The following ADCY1 variants were observed in gnomAD, a reference collection of about 807,000 sequenced individuals.
ADCY1 encodes adenylate cyclase 1.
ADCY1 carries 28 observed loss-of-function variants against 105.4 expected under a neutral mutation model. The ratio of observed to expected loss-of-function variants is 0.27; its 90% confidence interval spans 0.20 to 0.36. ADCY1 has a LOEUF of 0.36. Ranked by LOEUF, ADCY1 falls within the 10% of genes least tolerant of loss-of-function variation. The probability of loss-of-function intolerance (pLI) is 1.00; values close to 1 mark genes in which losing one functional copy is unlikely to be tolerated. For synonymous variants in ADCY1, 655 were observed against 623.8 expected (o/e 1.05, Z -0.75); for missense variants, 977 against 1,434.2 (o/e 0.68, Z 5.15).
chr7:45,612,858 A>G (rs997306103), intron 3 of ADCY1, among the ~76,000 whole-genome samples: 5 of 151,934 alleles, frequency 3.3e-5, no homozygotes, highest in Admixed American at 3.3e-4. Flanking sequence ...ACTTCCCCCT[A>G]CTCACCCCCT....
At chr7:45,629,679 C>T (rs7809185) in intron 4 of ADCY1, among the ~76,000 whole-genome samples, 4,594 of 152,224 alleles carry the variant, frequency 0.03, 100 homozygotes, top group African/African-American at 0.055. Flanking sequence ...CCACTGCGCC[C>T]GGCTAATTTT....
chr7:45,610,777 TGTG>T (rs1793530891), intron 3 of ADCY1, among the ~76,000 whole-genome samples: 1 of 130,698 alleles, frequency 7.7e-6, no homozygotes, highest in African/African-American at 2.9e-5. Context: ...ATAGTGGAGG[TGTG>T]GGGGTGATGG....
chr7:45,688,645 TCA>T (rs942365609), intron 14 of ADCY1, among the ~76,000 whole-genome samples: 14 of 151,928 alleles, frequency 9.2e-5, no homozygotes, highest in African/African-American at 2.9e-4. Flanking sequence ...TATACATACA[TCA>T]CACACACACA....
chr7:45,593,769 T>C (rs1362393258), intron 2 of ADCY1, among the ~76,000 whole-genome samples: 4 of 152,248 alleles, frequency 2.6e-5, no homozygotes, highest in African/African-American at 9.6e-5. Context: ...CAAATATAAA[T>C]GTAAAAACTC....
rs1562668523 is a variant in ADCY1 at position 45,575,791 on chromosome 7, C to T, written c.639+609C>T. Among the ~76,000 whole-genome samples, 1 of 152,266 alleles carries T rather than the reference C, an allele frequency of 6.6e-6. No individual in the cohort carries two copies. The highest frequency in any genetic ancestry group is 1.5e-5 in the Non-Finnish European group (1 of 68,050). ...GTCAAACACAGTCTAGTCCCTGCCG[C>T]TGCCACTCGGCGGTTGCCCTGACCC... On this transcript the variant is annotated intron_variant, in intron 1 of 19. Transcript: ENST00000297323. This position sits in a 1 kb window ranked among gnomAD's most constrained non-coding sequence, Gnocchi z 4.7.
At chr7:45,635,217 C>CTA (rs1309934765) in intron 4 of ADCY1, among the ~76,000 whole-genome samples, 6 of 150,920 alleles carry the variant, frequency 4.0e-5, no homozygotes, top group Non-Finnish European at 8.8e-5. Flanking sequence ...TCTGTAGAAT[C>CTA]TATAGTGATG....
chr7:45,709,155 A>G (rs1306373027), intron 18 of ADCY1, among the ~76,000 whole-genome samples: 1 of 152,232 alleles, frequency 6.6e-6, no homozygotes, highest in Non-Finnish European at 1.5e-5. Flanking sequence ...TGATCCATTT[A>G]GAGCATGTGG....
At chr7:45,595,796 A>G (rs1793055762) in intron 2 of ADCY1, among the ~76,000 whole-genome samples, 1 of 152,198 alleles carries the variant, frequency 6.6e-6, no homozygotes, top group Non-Finnish European at 1.5e-5. Context: ...GCCTTCCCTG[A>G]CTTTACCAAG....
chr7:45,664,640 C>T, intron 8 of ADCY1: 1 of 669,638 alleles, frequency 1.5e-6, no homozygotes, highest in Non-Finnish European at 2.1e-6. Flanking sequence ...GTTTGTGTGT[C>T]TGTATTTTTT....
chr7:45,576,065 T>G (rs1792336050), intron 1 of ADCY1, among the ~76,000 whole-genome samples: 1 of 152,074 alleles, frequency 6.6e-6, no homozygotes, highest in Admixed American at 6.5e-5. Context: ...GTGGGGAGAT[T>G]TGGAAGACCC....
In ADCY1 at chr7:45,719,544, T is replaced by G. The variant is rs1190558922; in HGVS notation, c.*5549T>G. The G allele has an allele frequency of 1.3e-5, 2 of 152,258 alleles. No homozygotes were observed. The highest frequency in any genetic ancestry group is 3.8e-4 in the East Asian group (2 of 5,202). 9.4% of individuals were successfully genotyped at this position (152,258 alleles called of 1,614,324 possible). On this transcript the variant is annotated 3_prime_UTR_variant, in exon 20 of 20. Coordinates refer to ENST00000297323, the MANE Select transcript of ADCY1 (RefSeq NM_021116.4). ...TTTAAATTTCCCTGAAAATTTAATC[T>G]ATTCTGTTCCATATGAAGTCTGTTT...
In ADCY1 at chr7:45,574,529, C is replaced by T. The variant is rs1454234383; in HGVS notation, c.-15C>T. The T allele has an allele frequency of 3.1e-6, 3 of 976,886 alleles. No homozygotes were observed. In the Admixed American group the frequency reaches 1.9e-4, roughly 63 times the overall value. The allele number at this position is 976,886 out of a possible 1,614,324, so 60.5% of individuals were successfully genotyped here. On this transcript the variant is annotated 5_prime_UTR_variant, in exon 1 of 20. Coordinates refer to ENST00000297323, the MANE Select transcript of ADCY1 (RefSeq NM_021116.4). This position sits in a 1 kb window ranked among gnomAD's most constrained non-coding sequence, Gnocchi z 7.0. ...AGGGGCGCGCCCGCGGCCGCGGCCG[C>T]TGCATGGCGCTGAGATGGCGGGGGC... is the stretch of plus-strand genomic sequence containing the variant.
At chr7:45,639,347 A>G (rs1237610110) in intron 4 of ADCY1, among the ~76,000 whole-genome samples, 3 of 152,218 alleles carry the variant, frequency 2.0e-5, no homozygotes, top group Admixed American at 6.5e-5. Context: ...AACACCTGCC[A>G]AGGCCCAGTC....
intron 12 of ADCY1, 87 bp downstream of exon 12, chr7:45,685,155 A>C (rs1447472690): frequency 8.0e-7 from 1 of 1,247,728 alleles, no homozygotes; most frequent in African/African-American, 1.5e-5. Flanking sequence ...CCAGGGCTGC[A>C]GAGACAGGGA....
intron 2 of ADCY1, among the ~76,000 whole-genome samples, chr7:45,598,140 T>G (rs565133695): frequency 6.6e-6 from 1 of 152,338 alleles, no homozygotes; most frequent in South Asian, 2.1e-4. Context: ...ATGTAAGGAC[T>G]TTATTCTGCT....
chr7:45,599,791 T>TGTCTG, intron 2 of ADCY1, among the ~76,000 whole-genome samples: 1 of 152,116 alleles, frequency 6.6e-6, no homozygotes, highest in Non-Finnish European at 1.5e-5. Context: ...CACGTCCAGC[T>TGTCTG]AATTTTGTAT....
intron 2 of ADCY1, among the ~76,000 whole-genome samples, chr7:45,602,903 A>G (rs1793278924): frequency 6.6e-6 from 1 of 152,172 alleles, no homozygotes; most frequent in South Asian, 2.1e-4. Context: ...AATTTAGGAT[A>G]TTTTTATTAT....
rs397889997 is a variant in ADCY1 at position 45,720,513 on chromosome 7, CA to C, written c.*6534del. 0.35 allele frequency: 39,345 copies of C among 112,486 alleles called. 5,707 individuals are homozygous for C. Among genetic ancestry groups the C allele is most frequent in the African/African-American group, 0.49 (15,969 of 32,680 alleles). 7.0% of individuals were successfully genotyped at this position (112,486 alleles called of 1,614,324 possible). A position where few individuals can be genotyped will look rare whatever the true frequency, so the allele number is the denominator to read the frequency against. On this transcript the variant is annotated 3_prime_UTR_variant, in exon 20 of 20. Coordinates refer to ENST00000297323, the MANE Select transcript of ADCY1 (RefSeq NM_021116.4). ...CCTGGGCGACAGAGCAAGACTCTCT[CA>C]AAAAAAAAAAAAAAAGAAAGAAAGA...
chr7:45,574,655 G>C lies in ADCY1; in HGVS notation c.112G>C (p.Glu38Gln). 2.3e-6 allele frequency: 3 copies of C among 1,312,022 alleles called. No individual in the cohort carries two copies. The highest frequency in any genetic ancestry group is 1.9e-6 in the Non-Finnish European group (2 of 1,033,206). The allele number at this position is 1,312,022 out of a possible 1,614,324, so 81.3% of individuals were successfully genotyped here. Residue 38 changes from glutamate (E) to glutamine (Q), a missense_variant, in exon 1 of 20, where the codon GAG (glutamate) becomes CAG (glutamine). Physicochemically the swap from Glu to Gln is conservative, Grantham distance 29. Transcript: ENST00000297323. This position sits in a 1 kb window ranked among gnomAD's most constrained non-coding sequence, Gnocchi z 7.0. The part of the protein sequence containing the change: ...SRRRGLRACD[E>Q]EFACPELEAL... ...CCGGCGCGGGCTCCGGGCGTGCGACGAGGAGTTCGCTTGCCCAGAGCTGGA... is the reference window on the plus strand; with the variant it reads ...CCGGCGCGGGCTCCGGGCGTGCGACCAGGAGTTCGCTTGCCCAGAGCTGGA...
Sources: gnomAD v4.1 joint callset for allele counts (sites outside exome capture counted in the v4.1 genomes callset) on GRCh38, gnomAD v4.1.1 for gene constraint, Gnocchi (gnomAD v3.1) non-coding constraint, MANE v1.5 for transcripts, NCBI Gene and HGNC (gene_info 2026-07-23, HGNC 2026-07-21) for gene names.